The following PTH1R variants were observed in gnomAD, a reference collection of about 807,000 sequenced individuals.
PTH1R encodes parathyroid hormone 1 receptor, also known as parathyroid hormone/parathyroid hormone-related peptide receptor.
A neutral mutation model predicts 70.7 loss-of-function variants in PTH1R; 32 were observed. The observed-to-expected ratio is 0.45, with a 90% CI of 0.34 to 0.61. The LOEUF (loss-of-function observed/expected upper bound fraction) is 0.61. PTH1R is among the 20% of genes least tolerant of loss of function. The pLI, the probability that PTH1R is intolerant of heterozygous loss-of-function variation, is 0.01. For missense variants in PTH1R, 626 were observed against 792.5 expected (o/e 0.79, Z 2.52); for synonymous variants, 329 against 324.8 (o/e 1.01, Z -0.14).
intron 3 of PTH1R, among the ~76,000 whole-genome samples, chr3:46,886,324 C>T (rs984495222): frequency 3.9e-5 from 6 of 152,164 alleles, no homozygotes; most frequent in African/African-American, 1.4e-4. Flanking sequence ...GGGACCTTTT[C>T]CAGCCTGCTC....
chr3:46,899,081 C>G (rs375880193), intron 9 of PTH1R, among the ~76,000 whole-genome samples: 13 of 152,358 alleles, frequency 8.5e-5, no homozygotes, highest in African/African-American at 3.1e-4. Context: ...GCCATCAAGG[C>G]TCCTACCTCA....
At position 46,893,833 on chromosome 3, in the gene PTH1R, G is replaced by A; in HGVS notation, c.76-74G>A. On this transcript the variant is annotated intron_variant, in intron 3 of 15. Coordinates refer to ENST00000449590, the MANE Select transcript of PTH1R (RefSeq NM_000316.3). This position sits in a 1 kb window ranked among gnomAD's most constrained non-coding sequence, Gnocchi z 5.2. Reference sequence around the variant, plus strand: ...CTTTTGAAAGGGGGTAGTCCCTCTGGGAAATTGGGATGTCTCTGGGACCTG... The same window carrying A: ...CTTTTGAAAGGGGGTAGTCCCTCTGAGAAATTGGGATGTCTCTGGGACCTG... 1 of 1,417,322 alleles carries A rather than the reference G, an allele frequency of 7.1e-7. No homozygotes were observed. Among genetic ancestry groups the A allele is most frequent in the Non-Finnish European group, 9.9e-7 (1 of 1,012,976 alleles). 87.8% of individuals were successfully genotyped at this position (1,417,322 alleles called of 1,614,324 possible).
Position 46,903,038 on chromosome 3 carries a change from C to A in PTH1R, c.1396-232C>A. The A allele has an allele frequency of 2.0e-6, 2 of 997,856 alleles. No homozygotes were observed. Among genetic ancestry groups the A allele is most frequent in the Non-Finnish European group, 3.0e-6 (2 of 656,592 alleles). 61.8% of individuals were successfully genotyped at this position (997,856 alleles called of 1,614,324 possible). ...GCCCCATGGTTCAATTATCTGTGACCCAGATTGGAGGACTCAGCCACCTTT... is the reference window on the plus strand; with the variant it reads ...GCCCCATGGTTCAATTATCTGTGACACAGATTGGAGGACTCAGCCACCTTT... On this transcript the variant is annotated intron_variant, in intron 15 of 15. Transcript: ENST00000449590. This position sits in a 1 kb window ranked among gnomAD's most constrained non-coding sequence, Gnocchi z 4.4.
At position 46,882,853 on chromosome 3, in the gene PTH1R, G is replaced by A. The variant is rs2030705420; in HGVS notation, c.-48-659G>A. ...TGGCCAAGGATGGGGAAGGGGTGCGGGAGGCGGCTGCCGAGGGTCTGGGAT... is the reference window on the plus strand; with the variant it reads ...TGGCCAAGGATGGGGAAGGGGTGCGAGAGGCGGCTGCCGAGGGTCTGGGAT... On this transcript the variant is annotated intron_variant, in intron 2 of 15. Coordinates refer to ENST00000449590, the MANE Select transcript of PTH1R (RefSeq NM_000316.3). The surrounding 1 kb of genome is among the most constrained non-coding windows in gnomAD (Gnocchi z 4.3). 6.6e-6 allele frequency among the ~76,000 whole-genome samples: 1 copy of A among 151,984 alleles called. No homozygotes were observed. Among genetic ancestry groups the A allele is most frequent in the African/African-American group, 2.4e-5 (1 of 41,406 alleles).
rs2030400801 is a variant in PTH1R, at chr3:46,879,099, G to C, written c.-106+1256G>C. On this transcript the variant is annotated intron_variant, in intron 1 of 15. Coordinates refer to ENST00000449590, the MANE Select transcript of PTH1R (RefSeq NM_000316.3). The surrounding 1 kb of genome is among the most constrained non-coding windows in gnomAD (Gnocchi z 4.7). The stretch of plus-strand genomic sequence containing the variant: ...ACTTTAACCAGAGGCCCGAGGGTGA[G>C]AGAGATGATCTGTGGCCCCACCCAC... Among the ~76,000 whole-genome samples the C allele has an allele frequency of 6.6e-6, 1 of 152,194 alleles. No individual in the cohort carries two copies. The highest frequency in any genetic ancestry group is 1.5e-5 in the Non-Finnish European group (1 of 68,022).
chr3:46,902,640 C>T lies in PTH1R; in HGVS notation c.1326C>T (p.His442=). 6.2e-7 allele frequency: 1 copy of T among 1,614,142 alleles called. No individual in the cohort carries two copies. The highest frequency in any genetic ancestry group is 8.5e-7 in the Non-Finnish European group (1 of 1,180,026). Residue 442 remains histidine (H), a synonymous_variant, in exon 14 of 16, where the codon CAC becomes CAT. Coordinates refer to ENST00000449590, the MANE Select transcript of PTH1R (RefSeq NM_000316.3). This position sits in a 1 kb window ranked among gnomAD's most constrained non-coding sequence, Gnocchi z 5.4. Reference sequence around the variant, plus strand: ...GGACGCTCTGGCAAGTCCAGATGCACTATGAGATGCTCTTCAACTCCTTCC... The same window carrying T: ...GGACGCTCTGGCAAGTCCAGATGCATTATGAGATGCTCTTCAACTCCTTCC... ...VSGTLWQVQM[H]YEMLFNSFQG...
chr3:46,881,722 G>A (rs892332654), intron 2 of PTH1R, among the ~76,000 whole-genome samples: 6 of 152,020 alleles, frequency 3.9e-5, no homozygotes, highest in Non-Finnish European at 7.4e-5. Flanking sequence ...GGCGAGGGTG[G>A]GGCTGGACGT....
In PTH1R at chr3:46,892,744, G is replaced by A. The variant is rs746664552; in HGVS notation, c.76-1163G>A. The A allele has an allele frequency of 4.0e-5, 39 of 985,762 alleles. No homozygotes were observed. Among genetic ancestry groups the A allele is most frequent in the Non-Finnish European group, 4.6e-5 (38 of 830,128 alleles). The allele number at this position is 985,762 out of a possible 1,614,324, so 61.1% of individuals were successfully genotyped here. A position where few individuals can be genotyped will look rare whatever the true frequency, so the allele number is the denominator to read the frequency against. ...TTCACAGCCATGCTCGGACTGCAGG[G>A]CCCCGGCCCCGCCTTGGCGCGTCTG... On this transcript the variant is annotated intron_variant, in intron 3 of 15. Transcript: ENST00000449590. This position sits in a 1 kb window ranked among gnomAD's most constrained non-coding sequence, Gnocchi z 5.2.
At chr3:46,899,163 GC>G in intron 9 of PTH1R, 139 bp from the exon 10 acceptor site, 1 of 1,114,048 alleles carries the variant, frequency 9.0e-7, no homozygotes, top group Non-Finnish European at 1.3e-6. Flanking sequence ...CCCTGAGAGA[GC>G]CCCCCAAACG....
In PTH1R at chr3:46,903,374, G is replaced by A; in HGVS notation, c.1500G>A (p.Val500=). Reference sequence around the variant, plus strand: ...GCAGCTATAGCTACGGCCCCATGGTGTCCCACACAAGTGTGACCAATGTCG... The same window carrying A: ...GCAGCTATAGCTACGGCCCCATGGTATCCCACACAAGTGTGACCAATGTCG... ...GSSSYSYGPM[V]SHTSVTNVGP... The change falls in exon 16 of 16, where the codon GTG becomes GTA. Residue 500 remains valine (V), a synonymous_variant. Transcript: ENST00000449590. This position sits in a 1 kb window ranked among gnomAD's most constrained non-coding sequence, Gnocchi z 4.4. 5 of 1,613,704 alleles carry A rather than the reference G, an allele frequency of 3.1e-6. 1 individual carries two copies. In the South Asian group the frequency reaches 3.3e-5, roughly 11 times the overall value.
In PTH1R at chr3:46,896,107, G is replaced by A. The variant is rs1012922393; in HGVS notation, c.313+238G>A. On this transcript the variant is annotated intron_variant, in intron 5 of 15. Coordinates refer to ENST00000449590, the MANE Select transcript of PTH1R (RefSeq NM_000316.3). This position sits in a 1 kb window ranked among gnomAD's most constrained non-coding sequence, Gnocchi z 4.1. ...AACTCTCCAGCACCACACCAAGAGTGGACCCAGGGCTACGGTCCCACCCAT... is the reference window on the plus strand; with the variant it reads ...AACTCTCCAGCACCACACCAAGAGTAGACCCAGGGCTACGGTCCCACCCAT... Among the ~76,000 whole-genome samples, 10 of 152,156 alleles carry A rather than the reference G, an allele frequency of 6.6e-5. No homozygotes were observed. Among genetic ancestry groups the A allele is most frequent in the Admixed American group, 2.0e-4 (3 of 15,282 alleles).
chr3:46,886,459 G>A (rs369238490), intron 3 of PTH1R, among the ~76,000 whole-genome samples: 15 of 152,288 alleles, frequency 9.8e-5, no homozygotes, highest in East Asian at 9.7e-4. Context: ...CCGGGTTCAC[G>A]CCGTTCTCCT....
At chr3:46,897,456 G>C (rs1296070751) in intron 5 of PTH1R, among the ~76,000 whole-genome samples, 1 of 152,242 alleles carries the variant, frequency 6.6e-6, no homozygotes, top group Non-Finnish European at 1.5e-5. Context: ...GATGGGCCGG[G>C]TGCAGTGGCT....
At chr3:46,897,769 C>T (rs894321438) in intron 5 of PTH1R, 86 bp from the exon 6 acceptor site, 9 of 1,218,268 alleles carry the variant, frequency 7.4e-6, no homozygotes, top group Admixed American at 7.0e-5. Flanking sequence ...AACAAACAAA[C>T]CACAGATGTA....
rs2031560541 is a variant in PTH1R at position 46,893,626 on chromosome 3, A to G, written c.76-281A>G. Reference sequence around the variant, plus strand: ...CCCTGGGGAAAGGACTGGACAGAGAATATCAGTGACTGCAGCCTACAGGGT... The same window carrying G: ...CCCTGGGGAAAGGACTGGACAGAGAGTATCAGTGACTGCAGCCTACAGGGT... On this transcript the variant is annotated intron_variant, in intron 3 of 15. Coordinates refer to ENST00000449590, the MANE Select transcript of PTH1R (RefSeq NM_000316.3). The surrounding 1 kb of genome is among the most constrained non-coding windows in gnomAD (Gnocchi z 5.2). Among the ~76,000 whole-genome samples, 1 of 152,156 alleles carries G rather than the reference A, an allele frequency of 6.6e-6. No homozygotes were observed. Among genetic ancestry groups the G allele is most frequent in the African/African-American group, 2.4e-5 (1 of 41,430 alleles).
intron 5 of PTH1R, 116 bp from the exon 6 acceptor site, chr3:46,897,739 C>A (rs1410591874): frequency 5.9e-6 from 6 of 1,017,272 alleles, no homozygotes; most frequent in Non-Finnish European, 9.0e-6. Flanking sequence ...CTCAAAAAAA[C>A]AAAACAAAAC....
chr3:46,885,882 C>T (rs1209937297), intron 3 of PTH1R, among the ~76,000 whole-genome samples: 1 of 152,226 alleles, frequency 6.6e-6, no homozygotes, highest in Non-Finnish European at 1.5e-5. Context: ...AGCCCACCAA[C>T]CTTATCTCAT....
In PTH1R at chr3:46,901,558, G is replaced by A; in HGVS notation, c.1116+78G>A. On this transcript the variant is annotated intron_variant, in intron 12 of 15. Transcript: ENST00000449590. This position sits in a 1 kb window ranked among gnomAD's most constrained non-coding sequence, Gnocchi z 7.3. ...TCCCCTGGAACCAGCCCCTGACAGG[G>A]ACCTAGGAGGCTTCCCTGGACCCCA... 1.3e-6 allele frequency: 2 copies of A among 1,509,636 alleles called. No homozygotes were observed. Among genetic ancestry groups the A allele is most frequent in the Non-Finnish European group, 1.8e-6 (2 of 1,111,060 alleles). The allele number at this position is 1,509,636 out of a possible 1,614,324, so 93.5% of individuals were successfully genotyped here.
At chr3:46,898,607 C>T (rs1265391221) in intron 8 of PTH1R, 55 bp from the exon 9 acceptor site, 20 of 1,606,004 alleles carry the variant, frequency 1.2e-5, no homozygotes, top group South Asian at 3.3e-5. Flanking sequence ...AGCTTCCTGT[C>T]CACCCACCGC....
Sources: allele counts gnomAD v4.1 joint callset (sites outside exome capture counted in the v4.1 genomes callset), GRCh38; gene constraint gnomAD v4.1.1; non-coding constraint Gnocchi (gnomAD v3.1); transcripts MANE v1.5; gene names NCBI Gene and HGNC (gene_info 2026-07-23, HGNC 2026-07-21).